Variants in PCDH15 observed in about 807,000 individuals in gnomAD.
PCDH15 encodes the protein protocadherin related 15.
PCDH15 carries 129 observed loss-of-function variants against 178.5 expected under a neutral mutation model. The ratio of observed to expected loss-of-function variants is 0.72; its 90% CI spans 0.63 to 0.84. The LOEUF is 0.84. Ranked by LOEUF, PCDH15 falls within the 40% of genes least tolerant of loss-of-function variation. PCDH15 has a pLI of 0.00. For missense variants in PCDH15, 2,230 were observed against 2,099.9 expected, an observed-to-expected ratio of 1.06 and a Z score of -1.21; for synonymous variants, 800 against 732.0, an observed-to-expected ratio of 1.09 and a Z score of -1.50.
chr10:54,895,470 C>T (rs932576525), intron 3 of PCDH15, among the ~76,000 whole-genome samples: 7 of 152,140 alleles, frequency 4.6e-5, no homozygotes, highest in Non-Finnish European at 1.0e-4. Context: ...ATTTGAAAAA[C>T]TTATTTCATC....
In PCDH15 at chr10:54,756,379, G is replaced by A. The variant is rs145075818; in HGVS notation, c.-29+44546C>T. On this transcript the variant is annotated intron_variant, in intron 1 of 37. Coordinates refer to ENST00000644397, the MANE Select transcript of PCDH15 (RefSeq NM_001384140.1). ...TCCATTACGTAATAAGAGCCCATCA[G>A]TCATTTTTTTCAATATGTAAATACG... Among the ~76,000 whole-genome samples, 760 of 152,270 alleles carry A rather than the reference G, an allele frequency of 5.0e-3. 22 individuals are homozygous for A. Among genetic ancestry groups the A allele is most frequent in the East Asian group, 3.5e-3 (18 of 5,184 alleles).
At chr10:53,882,030 C>A (rs374565792) in intron 26 of PCDH15, among the ~76,000 whole-genome samples, 3 of 150,032 alleles carry the variant, frequency 2.0e-5, no homozygotes, top group African/African-American at 7.4e-5. Context: ...GTTTCTGTTG[C>A]CCAGGCTAGA....
At chr10:54,758,250 A>G (rs1394751370) in intron 1 of PCDH15, among the ~76,000 whole-genome samples, 1 of 152,212 alleles carries the variant, frequency 6.6e-6, no homozygotes, top group Non-Finnish European at 1.5e-5. Context: ...TGTGAAAGCC[A>G]TACTAATTCA....
chr10:55,389,381 G>A (rs1314979488), intron 2 of PCDH15, among the ~76,000 whole-genome samples: 1 of 151,824 alleles, frequency 6.6e-6, no homozygotes, highest in African/African-American at 2.4e-5. Context: ...CTCAAATATT[G>A]TTGCTAAATT....
At chr10:55,011,533 T>G (rs1344150449) in intron 2 of PCDH15, among the ~76,000 whole-genome samples, 1 of 152,120 alleles carries the variant, frequency 6.6e-6, no homozygotes, top group African/African-American at 2.4e-5. Flanking sequence ...ATAGAAGGAA[T>G]TCTAGGTTGT....
intron 3 of PCDH15, among the ~76,000 whole-genome samples, chr10:54,413,113 C>A (rs4935518): frequency 0.47 from 71,376 of 151,570 alleles, 17,478 homozygotes; most frequent in Non-Finnish European, 0.53. Flanking sequence ...ATTTCCTGGC[C>A]CATAGTATTG....
chr10:54,223,455 C>T (rs925561507), intron 9 of PCDH15, among the ~76,000 whole-genome samples: 9 of 125,262 alleles, frequency 7.2e-5, no homozygotes, highest in African/African-American at 2.6e-4. Context: ...GTGTGAGGTA[C>T]GGATTGAAGT....
At position 55,030,036 on chromosome 10, in the gene PCDH15, A is replaced by G. The variant is rs115422092; in HGVS notation, c.-79-132536T>C. ...CATTTCTTCAATTATTCTTTAAGAA[A>G]TTGATGGAATATGAGTTTAAAATAT... On this transcript the variant is annotated intron_variant, in intron 2 of 5. Transcript: ENST00000458638. Among the ~76,000 whole-genome samples the G allele has an allele frequency of 6.1e-3, 927 of 152,280 alleles. 11 individuals are homozygous for G. The highest frequency in any genetic ancestry group is 0.022 in the African/African-American group (901 of 41,568).
At chr10:55,318,058 T>C (rs914463918) in intron 1 of PCDH15, among the ~76,000 whole-genome samples, 9 of 152,148 alleles carry the variant, frequency 5.9e-5, no homozygotes, top group African/African-American at 2.2e-4. Flanking sequence ...AGTTCCAAGT[T>C]TAGAGCGTAA....
intron 1 of PCDH15, among the ~76,000 whole-genome samples, chr10:54,789,551 C>T (rs973979540): frequency 1.3e-5 from 2 of 151,814 alleles, no homozygotes; most frequent in African/African-American, 4.8e-5. Context: ...ATTTCCTTAG[C>T]AACAATCATA....
At chr10:54,360,588 T>G (rs539677846) in intron 5 of PCDH15, among the ~76,000 whole-genome samples, 28 of 152,252 alleles carry the variant, frequency 1.8e-4, no homozygotes, top group African/African-American at 6.7e-4. Context: ...CATAAATTTG[T>G]GGGATTCTAT....
intron 2 of PCDH15, among the ~76,000 whole-genome samples, chr10:54,650,106 A>G (rs1408867430): frequency 6.6e-6 from 1 of 152,184 alleles, no homozygotes; most frequent in African/African-American, 2.4e-5. Flanking sequence ...ATGGACATTA[A>G]TTTTGATTGG....
At chr10:54,926,369 T>G (rs368120425) in intron 2 of PCDH15, among the ~76,000 whole-genome samples, 7 of 152,132 alleles carry the variant, frequency 4.6e-5, no homozygotes, top group Admixed American at 4.6e-4. Context: ...CTGTGGAGTT[T>G]TTTAAATCAG....
intron 9 of PCDH15, among the ~76,000 whole-genome samples, chr10:54,227,177 C>T (rs2053548222): frequency 6.6e-6 from 1 of 152,208 alleles, no homozygotes; most frequent in Non-Finnish European, 1.5e-5. Flanking sequence ...AAGTTTCCCT[C>T]CTGCACTGCA....
chr10:55,369,567 A>G (rs1845449686), intron 2 of PCDH15, among the ~76,000 whole-genome samples: 1 of 152,118 alleles, frequency 6.6e-6, no homozygotes, highest in Admixed American at 6.6e-5. Flanking sequence ...CTATACAAAT[A>G]CATTAACTAA....
intron 3 of PCDH15, among the ~76,000 whole-genome samples, chr10:54,859,627 A>G (rs551231845): frequency 6.6e-6 from 1 of 152,068 alleles, no homozygotes; most frequent in Non-Finnish European, 1.5e-5. Flanking sequence ...AGAAACCAAC[A>G]TTTATTGATC....
At chr10:54,830,147 T>C (rs1452101293) in intron 3 of PCDH15, among the ~76,000 whole-genome samples, 1 of 152,190 alleles carries the variant, frequency 6.6e-6, no homozygotes, top group Non-Finnish European at 1.5e-5. Context: ...GACTGTAAAC[T>C]AGTTCAACCA....
At chr10:54,614,298 A>G (rs902100608) in intron 2 of PCDH15, among the ~76,000 whole-genome samples, 2 of 151,978 alleles carry the variant, frequency 1.3e-5, no homozygotes, top group Non-Finnish European at 2.9e-5. Context: ...CAAGCATTTC[A>G]CAACTTCCTG....
chr10:54,591,529 C>G (rs1188229869), intron 2 of PCDH15, among the ~76,000 whole-genome samples: 1 of 152,124 alleles, frequency 6.6e-6, no homozygotes, highest in Non-Finnish European at 1.5e-5. Flanking sequence ...AATCGTCAGA[C>G]CTGTGTCAAG....
Sources: gnomAD v4.1 joint callset for allele counts (sites outside exome capture counted in the v4.1 genomes callset) on GRCh38, gnomAD v4.1.1 for gene constraint, MANE v1.5 for transcripts, NCBI Gene and HGNC (gene_info 2026-07-23, HGNC 2026-07-21) for gene names.